The following WDR74 variants were observed in gnomAD, a reference collection of about 807,000 sequenced individuals.
The protein encoded by WDR74 is WD repeat-containing protein 74.
Under a neutral mutation model 45.6 loss-of-function variants are expected in WDR74, and 31 were observed. The observed-to-expected ratio is 0.68, with a 90% CI of 0.51 to 0.92. The LOEUF is 0.92. WDR74 is among the 40% of genes least tolerant of loss of function. WDR74 has a pLI of 0.00. For synonymous variants in WDR74, 191 were observed against 192.4 expected, an observed-to-expected ratio of 0.99 and a Z score of 0.06; for missense variants, 455 against 497.2, an observed-to-expected ratio of 0.92 and a Z score of 0.81.
rs531524666 is a variant in WDR74 at position 62,839,037 on chromosome 11, C to A, written c.293+77G>T. ...GCCGTGTCACTAAGAGTTTGCCTGT[C>A]GCCATCATTCCAGTATCCTCAGGGA... On this transcript the variant is annotated intron_variant, in intron 3 of 10. Coordinates refer to ENST00000278856, the MANE Select transcript of WDR74 (RefSeq NM_001369450.1). 342 of 1,581,562 alleles carry A rather than the reference C, an allele frequency of 2.2e-4. 1 individual carries two copies. The highest frequency in any genetic ancestry group is 1.5e-4 in the South Asian group (13 of 88,604).
intron 1 of WDR74, 35 bp downstream of exon 1, chr11:62,839,472 C>T (rs1263916910): frequency 6.2e-7 from 1 of 1,613,578 alleles, no homozygotes. Context: ...GCGAGTGCAC[C>T]CCTGCACTTC....
chr11:62,840,039 T>C (rs2085024626), upstream of WDR74: 1 of 155,546 alleles, frequency 6.4e-6, no homozygotes. Context: ...TTCGCCCTTG[T>C]TGCCCAGGCT....
intron 3 of WDR74, chr11:62,836,332 A>G (rs1371566648): frequency 2.8e-6 from 1 of 362,872 alleles, no homozygotes; most frequent in Admixed American, 3.9e-5. Flanking sequence ...AAGCGCTGAG[A>G]AACTAATTTG....
chr11:62,833,028 G>A lies in WDR74; in HGVS notation c.1082C>T (p.Ser361Leu), dbSNP rs748569527. Reference sequence around the variant, plus strand: ...AGCTCCTTGGGGCTGCTCCAAACCCGAGAGCTTCCGCTTGGCAGCTGCCTC... The same window carrying A: ...AGCTCCTTGGGGCTGCTCCAAACCCAAGAGCTTCCGCTTGGCAGCTGCCTC... ...SLEAAAKRKL[S>L]GLEQPQGALQ... is the part of the protein sequence containing the mutation. Residue 361 changes from serine to leucine, a missense_variant, in exon 11 of 11, where the codon TCG becomes TTG. Physicochemically the swap from Ser to Leu is moderately radical, Grantham distance 145. Transcript: ENST00000278856. 6.2e-7 allele frequency: 1 copy of A among 1,610,078 alleles called. No homozygotes were observed. Among genetic ancestry groups the A allele is most frequent in the Non-Finnish European group, 8.5e-7 (1 of 1,178,350 alleles).
chr11:62,841,284 T>TAG (rs1325908351), upstream of WDR74, among the ~76,000 whole-genome samples: 1 of 152,028 alleles, frequency 6.6e-6, no homozygotes, highest in Non-Finnish European at 1.5e-5. Flanking sequence ...GCCATTGCAC[T>TAG]CTAGCCTGGG....
intron 8 of WDR74, 70 bp downstream of exon 8, chr11:62,834,203 GCAC>G: frequency 6.2e-7 from 1 of 1,604,668 alleles, no homozygotes; most frequent in Non-Finnish European, 8.5e-7. Flanking sequence ...TGGCCCCACT[GCAC>G]CACCTTAGAG....
chr11:62,833,216 G>A lies in WDR74; in HGVS notation c.979-85C>T, dbSNP rs1478098280. ...TAATCTCAGCACTTTGGGAGACCAAGGCAGGAGGATTGCTTGAGCCCAGGA... is the reference window on the plus strand; with the variant it reads ...TAATCTCAGCACTTTGGGAGACCAAAGCAGGAGGATTGCTTGAGCCCAGGA... On this transcript the variant is annotated intron_variant, in intron 10 of 10. Coordinates refer to ENST00000278856, the MANE Select transcript of WDR74 (RefSeq NM_001369450.1). 2.0e-5 allele frequency: 29 copies of A among 1,420,230 alleles called. No individual in the cohort carries two copies. The East Asian group carries it at 6.9e-4, about 34-fold the overall frequency. 88.0% of individuals were successfully genotyped at this position (1,420,230 alleles called of 1,614,324 possible).
chr11:62,841,395 A>G (rs78456314), upstream of WDR74, among the ~76,000 whole-genome samples: 12,912 of 152,236 alleles, frequency 0.085, 677 homozygotes, highest in East Asian at 0.15. Context: ...CAACTACCCC[A>G]GAGGCTGAAG....
chr11:62,839,495 C>G lies in WDR74; in HGVS notation c.64+12G>C. ...ACCCCTGCACTTCCCGACGCCCGAG[C>G]CTGCCACCCACCTTTCAAGATCCCA... On this transcript the variant is annotated intron_variant, in intron 1 of 10. Coordinates refer to ENST00000278856, the MANE Select transcript of WDR74 (RefSeq NM_001369450.1). 1 of 1,613,714 alleles carries G rather than the reference C, an allele frequency of 6.2e-7. No homozygotes were observed. Among genetic ancestry groups the G allele is most frequent in the Non-Finnish European group, 8.5e-7 (1 of 1,179,858 alleles).
chr11:62,835,587 T>A, intron 5 of WDR74, 55 bp from the exon 6 acceptor site: 1 of 1,612,484 alleles, frequency 6.2e-7, no homozygotes, highest in Non-Finnish European at 8.5e-7. Context: ...TGTGCCCCTG[T>A]TTTCAGCCCT....
At chr11:62,834,390 G>GCCGCC in intron 7 of WDR74, 37 bp downstream of exon 7, 1 of 1,584,242 alleles carries the variant, frequency 6.3e-7, no homozygotes, top group Non-Finnish European at 8.6e-7. Flanking sequence ...CCCTTCTCAA[G>GCCGCC]CCCCACCCTC....
At position 62,839,099 on chromosome 11, in the gene WDR74, G is replaced by A; in HGVS notation, c.293+15C>T. 1 of 1,612,626 alleles carries A rather than the reference G, an allele frequency of 6.2e-7. No individual in the cohort carries two copies. The highest frequency in any genetic ancestry group is 2.2e-5 in the East Asian group (1 of 44,876). On this transcript the variant is annotated intron_variant, in intron 3 of 10. Coordinates refer to ENST00000278856, the MANE Select transcript of WDR74 (RefSeq NM_001369450.1). Reference sequence around the variant, plus strand: ...CTCCCTTCGGCCCTGAGTTTAGCGAGGGGATTGGTCTTACCCGTCGGCCTG... The same window carrying A: ...CTCCCTTCGGCCCTGAGTTTAGCGAAGGGATTGGTCTTACCCGTCGGCCTG...
At chr11:62,841,412 G>A (rs187810357), upstream of WDR74, among the ~76,000 whole-genome samples, 6 of 137,778 alleles carry the variant, frequency 4.4e-5, no homozygotes, top group East Asian at 5.3e-4. Flanking sequence ...GAAGTATGAA[G>A]ATTGCTGAAG....
chr11:62,841,547 AAC>A (rs1171443276), upstream of WDR74: 7 of 151,268 alleles, frequency 4.6e-5, no homozygotes, highest in African/African-American at 1.7e-4. Flanking sequence ...AAACAACAAG[AAC>A]ATAACTATTT....
At chr11:62,835,585 TG>T (rs2084947227) in intron 5 of WDR74, 53 bp from the exon 6 acceptor site, 2 of 1,611,918 alleles carry the variant, frequency 1.2e-6, no homozygotes. Flanking sequence ...GATGTGCCCC[TG>T]TTTTCAGCCC....
At position 62,835,743 on chromosome 11, in the gene WDR74, C is replaced by A; in HGVS notation, c.468G>T (p.Lys156Asn). ...CCTCAGAGCCCTGCAGGTCCCATAT[C>A]TTCAAAGCATTCTCTTTCCCACCTG... ...VATGGKENAL[K>N]IWDLQGSEEP... is the part of the protein sequence containing the mutation. Residue 156 changes from lysine to asparagine, a missense_variant, in exon 5 of 11, where the codon AAG (lysine) becomes AAT (asparagine). Physicochemically the swap from Lys to Asn is moderately conservative, Grantham distance 94 (BLOSUM62 0). Coordinates refer to ENST00000278856, the MANE Select transcript of WDR74 (RefSeq NM_001369450.1). 6.2e-7 allele frequency: 1 copy of A among 1,613,990 alleles called. No individual in the cohort carries two copies. Among genetic ancestry groups the A allele is most frequent in the Non-Finnish European group, 8.5e-7 (1 of 1,179,884 alleles).
Position 62,833,604 on chromosome 11 carries a change from G to A in WDR74, c.978+14C>T. The A allele has an allele frequency of 1.3e-6, 2 of 1,551,662 alleles. No individual in the cohort carries two copies. Among genetic ancestry groups the A allele is most frequent in the Non-Finnish European group, 1.7e-6 (2 of 1,147,034 alleles). On this transcript the variant is annotated intron_variant, in intron 10 of 10. Transcript: ENST00000278856. Reference sequence around the variant, plus strand: ...ATGCCCTTGGCTCCCACATTCCCGGGCCCAACTGCTCACCTCCCAGTTGTC... The same window carrying A: ...ATGCCCTTGGCTCCCACATTCCCGGACCCAACTGCTCACCTCCCAGTTGTC...
chr11:62,837,574 T>C (rs2084978070), intron 3 of WDR74, among the ~76,000 whole-genome samples: 2 of 152,076 alleles, frequency 1.3e-5, no homozygotes, highest in Non-Finnish European at 2.9e-5. Context: ...TTTATCCTAT[T>C]TATGTACCCT....
At chr11:62,838,590 C>A (rs2084993677) in intron 3 of WDR74, among the ~76,000 whole-genome samples, 1 of 151,842 alleles carries the variant, frequency 6.6e-6, no homozygotes, top group African/African-American at 2.4e-5. Flanking sequence ...GAAACCCCGT[C>A]TCTACTAAAG....
Sources: allele counts gnomAD v4.1 joint callset (sites outside exome capture counted in the v4.1 genomes callset), GRCh38; gene constraint gnomAD v4.1.1; transcripts MANE v1.5; gene names NCBI Gene and HGNC (gene_info 2026-07-23, HGNC 2026-07-21).